Variants in ANKRD31 observed in about 807,000 individuals in gnomAD.
ANKRD31 encodes ankyrin repeat domain 31, also known as ankyrin repeat domain-containing protein 31.
A neutral mutation model predicts 186.0 loss-of-function variants in ANKRD31; 147 were observed. The observed-to-expected ratio is 0.79, with a 90% confidence interval of 0.69 to 0.91. The LOEUF is 0.91. Ranked by LOEUF, ANKRD31 falls within the 40% of genes least tolerant of loss-of-function variation. The pLI is 0.00. For missense variants in ANKRD31, 1,986 were observed against 2,148.8 expected (o/e 0.92, Z 1.50); for synonymous variants, 673 against 736.4 (o/e 0.91, Z 1.39).
intron 15 of ANKRD31, 145 bp from the exon 16 acceptor site, chr5:75,139,128 T>A: frequency 1.0e-6 from 1 of 977,648 alleles, no homozygotes; most frequent in Non-Finnish European, 1.4e-6. Context: ...GTTATTGTTT[T>A]AATATATAAT....
intron 22 of ANKRD31, among the ~76,000 whole-genome samples, chr5:75,099,387 A>G (rs1179021351): frequency 1.3e-5 from 2 of 152,140 alleles, no homozygotes; most frequent in African/African-American, 4.8e-5. Context: ...TTGGTCTAAA[A>G]TTCTCTTTTT....
intron 17 of ANKRD31, among the ~76,000 whole-genome samples, chr5:75,124,086 T>TA (rs1398940698): frequency 6.6e-6 from 1 of 151,362 alleles, no homozygotes; most frequent in East Asian, 1.9e-4. Flanking sequence ...TCAACAACAA[T>TA]AACAAAACAA....
intron 19 of ANKRD31, among the ~76,000 whole-genome samples, chr5:75,115,193 C>T (rs1236600067): frequency 1.3e-5 from 2 of 150,160 alleles, no homozygotes; most frequent in Non-Finnish European, 3.0e-5. Context: ...GCTGGGAAAA[C>T]TGGCTAGCCA....
At chr5:75,167,843 CTCTTGA>C (rs1319582326) in intron 11 of ANKRD31, among the ~76,000 whole-genome samples, 1 of 152,112 alleles carries the variant, frequency 6.6e-6, no homozygotes, top group African/African-American at 2.4e-5. Flanking sequence ...GAAGAAAAGA[CTCTTGA>C]TCAGTATAGG....
intron 1 of ANKRD31, 117 bp from the exon 2 acceptor site, chr5:75,230,752 T>C: frequency 1.6e-6 from 1 of 620,762 alleles, no homozygotes; most frequent in Non-Finnish European, 2.7e-6. Context: ...TATACCACTA[T>C]TAATGTTTCT....
At chr5:75,089,549 G>A (rs140594940) in intron 23 of ANKRD31, among the ~76,000 whole-genome samples, 19 of 152,314 alleles carry the variant, frequency 1.2e-4, no homozygotes, top group African/African-American at 4.6e-4. Context: ...AGAAGAGGCA[G>A]AGGTTTCTGT....
intron 17 of ANKRD31, among the ~76,000 whole-genome samples, chr5:75,118,749 C>T (rs1201185785): frequency 1.3e-5 from 2 of 152,074 alleles, no homozygotes; most frequent in Non-Finnish European, 2.9e-5. Context: ...TACCTAGTAG[C>T]TACTATATTG....
At chr5:75,207,788 A>G (rs1318400331) in intron 4 of ANKRD31, among the ~76,000 whole-genome samples, 1 of 152,106 alleles carries the variant, frequency 6.6e-6, no homozygotes, top group Non-Finnish European at 1.5e-5. Context: ...TGGATGCTAT[A>G]TTAGTCTTCC....
chr5:75,198,150 C>T (rs973292664), intron 6 of ANKRD31, among the ~76,000 whole-genome samples: 7 of 152,186 alleles, frequency 4.6e-5, no homozygotes, highest in Non-Finnish European at 8.8e-5. Flanking sequence ...TCGAGGTCTT[C>T]TAATCAGACT....
At chr5:75,095,467 C>T (rs1746247839) in intron 22 of ANKRD31, among the ~76,000 whole-genome samples, 2 of 121,204 alleles carry the variant, frequency 1.7e-5, no homozygotes, top group Admixed American at 1.5e-4. Flanking sequence ...GAGCGAGACT[C>T]CGTCTCAAAA....
intron 17 of ANKRD31, among the ~76,000 whole-genome samples, chr5:75,129,117 A>C (rs1276029803): frequency 6.6e-6 from 1 of 152,106 alleles, no homozygotes; most frequent in Non-Finnish European, 1.5e-5. Context: ...ACCTCTTGAC[A>C]GAGTCCTCAC....
intron 22 of ANKRD31, among the ~76,000 whole-genome samples, 198 bp from the exon 23 acceptor site, chr5:75,091,599 A>C (rs1745928334): frequency 6.6e-6 from 1 of 152,114 alleles, no homozygotes; most frequent in African/African-American, 2.4e-5. Context: ...AAAATCTACA[A>C]AAATCAGATT....
chr5:75,197,293 T>G (rs1212385894), intron 6 of ANKRD31, among the ~76,000 whole-genome samples: 4 of 152,226 alleles, frequency 2.6e-5, no homozygotes, highest in African/African-American at 9.6e-5. Context: ...GAAAATAATG[T>G]GCTTTAAAGG....
At position 75,195,942 on chromosome 5, in the gene ANKRD31, C is replaced by T. The variant is rs1357206796; in HGVS notation, c.706G>A (p.Glu236Lys). ...SLLTSPESTQEERLFELVSDF... is the reference protein window; with the variant it reads ...SLLTSPESTQKERLFELVSDF... ...CTTACTAATTCAAACAATCTTTCCT[C>T]CTGGGTGCTTTCTGGTGATGTAAGT... is the stretch of plus-strand genomic sequence containing the variant. Residue 236 changes from glutamate to lysine, a missense_variant, in exon 7 of 26, where the codon GAG (glutamate) becomes AAG (lysine). By Grantham distance (56) the Glu-to-Lys change is moderately conservative. Transcript: ENST00000506364. The T allele has an allele frequency of 2.6e-6, 4 of 1,534,280 alleles. No homozygotes were observed. Among genetic ancestry groups the T allele is most frequent in the East Asian group, 2.4e-5 (1 of 40,892 alleles).
chr5:75,115,076 C>A (rs1340427529), intron 19 of ANKRD31, among the ~76,000 whole-genome samples: 1 of 151,898 alleles, frequency 6.6e-6, no homozygotes, highest in South Asian at 2.1e-4. Flanking sequence ...ATCAATGGAA[C>A]AGAACAGAGC....
Position 75,080,580 on chromosome 5 carries a change from T to G in ANKRD31, c.5635A>C (p.Lys1879Gln). The change falls in exon 25 of 26, where the codon AAA becomes CAA. Residue 1879 changes from lysine to glutamine, a missense_variant. By Grantham distance (53) the Lys-to-Gln change is moderately conservative. Coordinates refer to ENST00000506364, the MANE Select transcript of ANKRD31 (RefSeq NM_001372053.1). ...EPNKSMFEKT[K>Q]FGQGTSRESM... is the part of the protein sequence containing the mutation. ...CTTTTTTTTTTACCTTGTCCAAATT[T>G]TGTTTTCTCAAACATTGATTTGTTT... 1 of 1,530,170 alleles carries G rather than the reference T, an allele frequency of 6.5e-7. No individual in the cohort carries two copies. The highest frequency in any genetic ancestry group is 8.7e-7 in the Non-Finnish European group (1 of 1,144,056). 94.8% of individuals were successfully genotyped at this position (1,530,170 alleles called of 1,614,324 possible). A position where few individuals can be genotyped will look rare whatever the true frequency, so the allele number is the denominator to read the frequency against.
intron 4 of ANKRD31, among the ~76,000 whole-genome samples, chr5:75,210,515 A>G (rs575769762): frequency 1.5e-3 from 228 of 152,260 alleles, no homozygotes; most frequent in South Asian, 2.7e-3. Flanking sequence ...TCTAATTTCA[A>G]TAAGTTTTAC....
At position 75,104,349 on chromosome 5, in the gene ANKRD31, T is replaced by A. The variant is rs1358079006; in HGVS notation, c.5210A>T (p.Asp1737Val). 6.5e-7 allele frequency: 1 copy of A among 1,537,116 alleles called. No homozygotes were observed. Among genetic ancestry groups the A allele is most frequent in the African/African-American group, 1.4e-5 (1 of 73,046 alleles). Residue 1737 changes from aspartate (D) to valine (V), a missense_variant, in exon 22 of 26, where the codon GAT becomes GTT. Transcript: ENST00000506364. ...ISSSSGSGQQ[D>V]TIKKALNYST... Reference sequence around the variant, plus strand: ...GTAGTTTAAAGCCTTTTTTATTGTATCTTGTTGCCCAGATCCAGAGGAAGA... The same window carrying A: ...GTAGTTTAAAGCCTTTTTTATTGTAACTTGTTGCCCAGATCCAGAGGAAGA...
intron 11 of ANKRD31, 84 bp downstream of exon 11, chr5:75,168,895 T>C (rs973523135): frequency 7.8e-7 from 1 of 1,275,974 alleles, no homozygotes; most frequent in Non-Finnish European, 1.0e-6. Context: ...AAAATTTCTG[T>C]ATGTTTTTCT....
Sources: allele counts gnomAD v4.1 joint callset (sites outside exome capture counted in the v4.1 genomes callset), GRCh38; gene constraint gnomAD v4.1.1; transcripts MANE v1.5; gene names NCBI Gene and HGNC (gene_info 2026-07-23, HGNC 2026-07-21).